Variants in TASP1 observed in about 807,000 individuals in gnomAD.
The protein encoded by TASP1 is taspase 1, also known as threonine aspartase 1.
In TASP1, 16 loss-of-function variants were observed where a neutral mutation model predicts 56.6. The observed-to-expected ratio is 0.28, with a 90% CI of 0.19 to 0.43. The LOEUF (loss-of-function observed/expected upper bound fraction) is 0.43. Ranked by LOEUF, TASP1 falls within the 20% of genes least tolerant of loss-of-function variation. The pLI is 1.00. For missense variants in TASP1, 393 were observed against 511.6 expected, an observed-to-expected ratio of 0.77 and a Z score of 2.24; for synonymous variants, 179 against 184.2, an observed-to-expected ratio of 0.97 and a Z score of 0.23.
chr20:13,372,592 T>G, the TASP1 span, among the ~76,000 whole-genome samples: 25 of 151,720 alleles, frequency 1.6e-4, no homozygotes, highest in African/African-American at 6.0e-4. Flanking sequence ...CATATGCTAC[T>G]GCTTTTTTTC....
the TASP1 span, among the ~76,000 whole-genome samples, chr20:13,253,756 C>A: frequency 6.6e-6 from 1 of 152,014 alleles, no homozygotes; most frequent in Non-Finnish European, 1.5e-5. Context: ...AACTCAGTAT[C>A]ATTATCAGTT....
At chr20:13,567,255 G>C (rs908035910) in intron 7 of TASP1, among the ~76,000 whole-genome samples, 4 of 151,932 alleles carry the variant, frequency 2.6e-5, no homozygotes, top group Non-Finnish European at 5.9e-5. Flanking sequence ...ACAAAAGACA[G>C]TGGAGCCTAA....
the TASP1 span, among the ~76,000 whole-genome samples, chr20:13,124,568 C>T: frequency 5.9e-5 from 9 of 151,884 alleles, no homozygotes; most frequent in South Asian, 2.1e-4. Flanking sequence ...AGAAGAAGGA[C>T]GGGTGAAAGG....
intron 4 of TASP1, among the ~76,000 whole-genome samples, chr20:13,598,674 T>C (rs1476260251): frequency 2.0e-5 from 3 of 152,020 alleles, no homozygotes; most frequent in Admixed American, 6.6e-5. Flanking sequence ...AAAGCCAAAA[T>C]AGACAAATGG....
intron 10 of TASP1, among the ~76,000 whole-genome samples, chr20:13,507,015 A>G (rs1364724163): frequency 6.6e-6 from 1 of 152,214 alleles, no homozygotes; most frequent in Admixed American, 6.5e-5. Flanking sequence ...TGTTATATAT[A>G]GAAAACTGTA....
the TASP1 span, among the ~76,000 whole-genome samples, chr20:13,319,495 A>G: frequency 4.6e-5 from 7 of 152,308 alleles, no homozygotes; most frequent in South Asian, 1.2e-3. Context: ...TCACTCGGAG[A>G]GTGAGAGAAG....
chr20:13,562,536 T>C (rs1032312127), intron 7 of TASP1, among the ~76,000 whole-genome samples: 8 of 152,112 alleles, frequency 5.3e-5, no homozygotes, highest in African/African-American at 1.9e-4. Flanking sequence ...CAAATTACTA[T>C]AATCAGAAAT....
chr20:13,286,229 C>T, the TASP1 span, among the ~76,000 whole-genome samples: 1 of 151,980 alleles, frequency 6.6e-6, no homozygotes, highest in African/African-American at 2.4e-5. Context: ...CACCTGGATG[C>T]TTCTCTGACA....
intron 13 of TASP1, among the ~76,000 whole-genome samples, chr20:13,405,883 T>C (rs1418123360): frequency 3.9e-5 from 6 of 152,076 alleles, no homozygotes; most frequent in Non-Finnish European, 8.8e-5. Flanking sequence ...CAAATTTCCG[T>C]CTATAATTCT....
the TASP1 span, among the ~76,000 whole-genome samples, chr20:13,222,639 A>G: frequency 1.2e-4 from 18 of 152,270 alleles, no homozygotes; most frequent in Admixed American, 9.8e-4. Flanking sequence ...AGGTCGCTTT[A>G]GCAATGGGAT....
the TASP1 span, among the ~76,000 whole-genome samples, chr20:13,142,371 G>C: frequency 6.6e-6 from 1 of 152,104 alleles, no homozygotes; most frequent in Non-Finnish European, 1.5e-5. Flanking sequence ...AATACATATG[G>C]AATTCCATGT....
intron 13 of TASP1, among the ~76,000 whole-genome samples, chr20:13,402,882 T>C (rs2041789564): frequency 6.6e-6 from 1 of 152,226 alleles, no homozygotes; most frequent in Non-Finnish European, 1.5e-5. Context: ...AGATTGCCTG[T>C]AATCAAGGTT....
At chr20:13,532,427 A>G (rs1212959062) in intron 9 of TASP1, among the ~76,000 whole-genome samples, 2 of 152,172 alleles carry the variant, frequency 1.3e-5, no homozygotes, top group African/African-American at 4.8e-5. Flanking sequence ...ATACTTACAT[A>G]GTTTCAAGTT....
intron 4 of TASP1, among the ~76,000 whole-genome samples, chr20:13,616,461 C>CCT (rs773578403): frequency 6.6e-5 from 10 of 152,036 alleles, no homozygotes; most frequent in Non-Finnish European, 1.0e-4. Context: ...GATCCACATA[C>CCT]CTCATCAAGA....
At position 13,555,123 on chromosome 20, in the gene TASP1, C is replaced by T. The variant is rs150787422; in HGVS notation, c.675+3885G>A. Among the ~76,000 whole-genome samples, 730 of 152,234 alleles carry T rather than the reference C, an allele frequency of 4.8e-3. 4 individuals are homozygous for T. The highest frequency in any genetic ancestry group is 0.016 in the African/African-American group (655 of 41,554). On this transcript the variant is annotated intron_variant, in intron 8 of 13. Transcript: ENST00000337743. ...TCCTGGCTGGGCACGGTGGCTCATG[C>T]CTGTAATCCCAGCACTTTGGGAGAC...
the TASP1 span, among the ~76,000 whole-genome samples, chr20:13,180,764 T>C: frequency 6.6e-6 from 1 of 152,120 alleles, no homozygotes; most frequent in East Asian, 1.9e-4. Flanking sequence ...CCTACACAAA[T>C]ACTTAATGAG....
At chr20:13,398,002 A>G (rs2041605858) in intron 13 of TASP1, among the ~76,000 whole-genome samples, 1 of 152,114 alleles carries the variant, frequency 6.6e-6, no homozygotes, top group Non-Finnish European at 1.5e-5. Context: ...GAAACCCAAA[A>G]TGTCATTTAT....
the TASP1 span, among the ~76,000 whole-genome samples, chr20:13,142,333 G>A: frequency 1.3e-5 from 2 of 152,206 alleles, no homozygotes; most frequent in African/African-American, 4.8e-5. Context: ...CTGTGTGGTT[G>A]GACCCTGAGA....
At chr20:13,283,573 A>T in the TASP1 span, among the ~76,000 whole-genome samples, 2 of 152,224 alleles carry the variant, frequency 1.3e-5, no homozygotes, top group Admixed American at 6.5e-5. Context: ...GTGATGATGA[A>T]AACACAGATG....
Sources: gnomAD v4.1 joint callset for allele counts (sites outside exome capture counted in the v4.1 genomes callset) on GRCh38, gnomAD v4.1.1 for gene constraint, MANE v1.5 for transcripts, NCBI Gene and HGNC (gene_info 2026-07-23, HGNC 2026-07-21) for gene names.